MED17: variants seen among roughly 807,000 people sequenced by gnomAD.
MED17 encodes the protein mediator of RNA polymerase II transcription subunit 17.
In MED17, 49 loss-of-function variants were observed where a neutral mutation model predicts 80.8. That is an observed-to-expected ratio of 0.61 (90% CI 0.48 to 0.77). MED17 has a LOEUF of 0.77. MED17 is among the 30% of genes least tolerant of loss of function. The pLI is 0.00. For missense variants in MED17, 718 were observed against 787.0 expected, an observed-to-expected ratio of 0.91 and a Z score of 1.05; for synonymous variants, 281 against 280.4, an observed-to-expected ratio of 1.00 and a Z score of -0.02.
intron 9 of MED17, among the ~76,000 whole-genome samples, chr11:93,804,684 C>T (rs914683209): frequency 6.6e-6 from 1 of 152,108 alleles, no homozygotes; most frequent in African/African-American, 2.4e-5. Context: ...CAACATAATA[C>T]ACATAACAAA....
chr11:93,784,542 G>A lies in MED17; in HGVS notation c.29G>A (p.Ser10Asn). The A allele has an allele frequency of 1.2e-6, 2 of 1,612,144 alleles. No homozygotes were observed. The highest frequency in any genetic ancestry group is 1.7e-6 in the Non-Finnish European group (2 of 1,179,702). Residue 10 changes from serine to asparagine, a missense_variant, in exon 1 of 12, where the codon AGC (serine) becomes AAC (asparagine). Transcript: ENST00000251871. MSGVRAVRI[S>N]IESACEKQVH... ...TCCGGGGTGCGCGCAGTGCGGATCAGCATCGAATCGGCCTGCGAGAAGCAG... is the reference window on the plus strand; with the variant it reads ...TCCGGGGTGCGCGCAGTGCGGATCAACATCGAATCGGCCTGCGAGAAGCAG...
chr11:93,798,139 T>G (rs925327396), intron 8 of MED17, among the ~76,000 whole-genome samples: 1 of 152,214 alleles, frequency 6.6e-6, no homozygotes, highest in African/African-American at 2.4e-5. Flanking sequence ...TTGCGGCAGG[T>G]AGTGTTAACC....
intron 10 of MED17, 44 bp downstream of exon 10, chr11:93,807,679 C>T: frequency 9.1e-7 from 1 of 1,095,178 alleles, no homozygotes; most frequent in Non-Finnish European, 1.4e-6. Flanking sequence ...CTTCGCATAG[C>T]TACTTAAAGA....
At position 93,784,454 on chromosome 11, in the gene MED17, C is replaced by T. The variant is rs942699336; in HGVS notation, c.-60C>T. ...CCGGCTCTCCGCAGGGAAGCCTCCT[C>T]TTCGTACCTCGTTTTTTGGCTCGTG... is the stretch of plus-strand genomic sequence containing the variant. On this transcript the variant is annotated 5_prime_UTR_variant, in exon 1 of 12. Coordinates refer to ENST00000251871, the MANE Select transcript of MED17 (RefSeq NM_004268.5). 3 of 1,552,268 alleles carry T rather than the reference C, an allele frequency of 1.9e-6. No homozygotes were observed. Among genetic ancestry groups the T allele is most frequent in the Non-Finnish European group, 2.6e-6 (3 of 1,150,678 alleles).
In MED17 at chr11:93,800,212, G is replaced by A. The variant is rs911953224; in HGVS notation, c.1329-1623G>A. Among the ~76,000 whole-genome samples, 9 of 152,106 alleles carry A rather than the reference G, an allele frequency of 5.9e-5. No individual in the cohort carries two copies. In the East Asian group the frequency reaches 7.7e-4, roughly 13 times the overall value. On this transcript the variant is annotated intron_variant, in intron 8 of 11. Coordinates refer to ENST00000251871, the MANE Select transcript of MED17 (RefSeq NM_004268.5). The stretch of plus-strand genomic sequence containing the variant: ...ATTTCAGAATGTATTGTAAGAAGCC[G>A]GTACTGCAGCAGCAGACCAAACCCT...
Position 93,812,323 on chromosome 11 carries a change from TACTA to T in MED17, c.*263_*266del, listed in dbSNP as rs1944092825. On this transcript the variant is annotated 3_prime_UTR_variant, in exon 12 of 12. Transcript: ENST00000251871. ...ATGTTTTTCATGCAGTTTAAAATAT[TACTA>T]ACTTAAGGGTTTCTATGTGCTTTTT... The T allele has an allele frequency of 1.8e-6, 1 of 553,776 alleles. No homozygotes were observed. The highest frequency in any genetic ancestry group is 2.8e-5 in the South Asian group (1 of 35,688). 34.3% of individuals were successfully genotyped at this position (553,776 alleles called of 1,614,324 possible).
Position 93,812,868 on chromosome 11 carries a change from G to T in MED17, c.*804G>T, listed in dbSNP as rs1052986883. 2.6e-5 allele frequency: 4 copies of T among 152,226 alleles called. No individual in the cohort carries two copies. Among genetic ancestry groups the T allele is most frequent in the African/African-American group, 9.7e-5 (4 of 41,422 alleles). The allele number at this position is 152,226 out of a possible 1,614,324, so 9.4% of individuals were successfully genotyped here. A position where few individuals can be genotyped will look rare whatever the true frequency, so the allele number is the denominator to read the frequency against. On this transcript the variant is annotated 3_prime_UTR_variant, in exon 12 of 12. Transcript: ENST00000251871. Reference sequence around the variant, plus strand: ...CAATAGGAGGCAGATTATCTCTTTAGGGCGTCCTCAAGTTTTTTTGGTCTG... The same window carrying T: ...CAATAGGAGGCAGATTATCTCTTTATGGCGTCCTCAAGTTTTTTTGGTCTG...
Position 93,796,395 on chromosome 11 carries a change from T to C in MED17, c.1013-15T>C, listed in dbSNP as rs375772512. 5.2e-5 allele frequency: 83 copies of C among 1,605,934 alleles called. No homozygotes were observed. The highest frequency in any genetic ancestry group is 1.3e-4 in the Admixed American group (8 of 59,996). ...TCAGGTTATTTACATATGTCCTCCT[T>C]CTTTTTATAAATAGGCTTGCAGTTA... is the stretch of plus-strand genomic sequence containing the variant. On this transcript the variant is annotated splice_polypyrimidine_tract_variant and intron_variant, in intron 6 of 11. Coordinates refer to ENST00000251871, the MANE Select transcript of MED17 (RefSeq NM_004268.5).
intron 10 of MED17, chr11:93,809,513 A>G (rs569484471): frequency 1.6e-6 from 1 of 622,068 alleles, no homozygotes; most frequent in Admixed American, 2.4e-5. Flanking sequence ...AGAAGCAAGT[A>G]TCAGGCAACT....
intron 8 of MED17, among the ~76,000 whole-genome samples, chr11:93,798,266 T>C (rs919043559): frequency 6.6e-6 from 1 of 152,132 alleles, no homozygotes; most frequent in African/African-American, 2.4e-5. Flanking sequence ...CCAAAGCTCT[T>C]TTTTTTCCTT....
intron 11 of MED17, chr11:93,811,548 G>A (rs918208504): frequency 2.8e-6 from 1 of 359,086 alleles, no homozygotes; most frequent in East Asian, 6.6e-5. Context: ...AGTGCTGCAT[G>A]TGGAAACAAA....
chr11:93,798,201 G>A (rs1232398821), intron 8 of MED17, among the ~76,000 whole-genome samples: 1 of 152,176 alleles, frequency 6.6e-6, no homozygotes, highest in Non-Finnish European at 1.5e-5. Flanking sequence ...CCTTGCTCAA[G>A]GTTACACAGC....
chr11:93,787,358 A>G (rs1448654543), intron 1 of MED17, among the ~76,000 whole-genome samples: 1 of 152,026 alleles, frequency 6.6e-6, no homozygotes, highest in African/African-American at 2.4e-5. Flanking sequence ...GCTTGCAGTG[A>G]GCTGAGATCG....
In MED17 at chr11:93,807,913, GAAGGTTTACAAAATCTCT is replaced by G. The variant is rs1384470946; in HGVS notation, c.1584+280_1584+297del. 3.1e-4 allele frequency: 138 copies of G among 443,824 alleles called. 2 individuals are homozygous for G. Among genetic ancestry groups the G allele is most frequent in the Middle Eastern group, 2.7e-3 (4 of 1,484 alleles). 27.5% of individuals were successfully genotyped at this position (443,824 alleles called of 1,614,324 possible). A position where few individuals can be genotyped will look rare whatever the true frequency, so the allele number is the denominator to read the frequency against. ...TTTTTTTCCCACATGTCATATTTGT[GAAGGTTTACAAAATCTCT>G]AGGGTTTACAACATCTCCAGAGTTG... On this transcript the variant is annotated intron_variant, in intron 10 of 11. Transcript: ENST00000251871.
At chr11:93,799,341 C>T (rs915828292) in intron 8 of MED17, among the ~76,000 whole-genome samples, 53 of 152,232 alleles carry the variant, frequency 3.5e-4, no homozygotes, top group African/African-American at 1.2e-3. Flanking sequence ...ATGCCTGGCT[C>T]ATTTTTGTAT....
intron 9 of MED17, among the ~76,000 whole-genome samples, chr11:93,805,759 A>G (rs1944016807): frequency 6.6e-6 from 1 of 152,134 alleles, no homozygotes; most frequent in African/African-American, 2.4e-5. Flanking sequence ...AAGCCTTTTG[A>G]GTTTCGTTTT....
chr11:93,794,635 T>A, intron 5 of MED17: 1 of 507,272 alleles, frequency 2.0e-6, no homozygotes, highest in Non-Finnish European at 3.5e-6. Flanking sequence ...TTATTGCTAA[T>A]TGATACTTCC....
At chr11:93,810,299 T>C (rs1944072288) in intron 11 of MED17, 1 of 153,192 alleles carries the variant, frequency 6.5e-6, no homozygotes, top group African/African-American at 2.4e-5. Flanking sequence ...ATAGTAACAG[T>C]TTTTAAAATA....
Position 93,801,839 on chromosome 11 carries a change from G to A in MED17, c.1333G>A (p.Ala445Thr). The A allele has an allele frequency of 6.2e-7, 1 of 1,613,240 alleles. No homozygotes were observed. Among genetic ancestry groups the A allele is most frequent in the Non-Finnish European group, 8.5e-7 (1 of 1,179,702 alleles). ...TTAACTTCTTGTATTTAAAAGAGCT[G>A]CTGCAACCATTGACAGCTTAGCAAG... is the stretch of plus-strand genomic sequence containing the variant. ...AKHIFLRSRA[A>T]ATIDSLASRI... The change falls in exon 9 of 12, where the codon GCT becomes ACT. Residue 445 changes from alanine to threonine, a missense_variant. By Grantham distance (58) the Ala-to-Thr change is moderately conservative. Transcript: ENST00000251871.
Sources: gnomAD v4.1 joint callset for allele counts (sites outside exome capture counted in the v4.1 genomes callset) on GRCh38, gnomAD v4.1.1 for gene constraint, MANE v1.5 for transcripts, NCBI Gene and HGNC (gene_info 2026-07-23, HGNC 2026-07-21) for gene names.